Variants in ADGRL3 observed in about 807,000 individuals in gnomAD.
ADGRL3 encodes the protein calcium-independent alpha-latrotoxin receptor 3.
ADGRL3 carries 62 observed loss-of-function variants against 153.5 expected under a neutral mutation model. The observed-to-expected ratio is 0.40, with a 90% CI of 0.33 to 0.50. The LOEUF (loss-of-function observed/expected upper bound fraction) is 0.50, where lower values mean the gene tolerates loss of function less well. Ranked by LOEUF, ADGRL3 falls within the 20% of genes least tolerant of loss-of-function variation. ADGRL3 has a pLI of 0.47. For missense variants in ADGRL3, 1,641 were observed against 1,859.4 expected (o/e 0.88, Z 2.16); for synonymous variants, 710 against 672.5 (o/e 1.06, Z -0.86).
At chr4:61,246,550 T>G (rs2149385854) in intron 1 of ADGRL3, among the ~76,000 whole-genome samples, 1 of 152,178 alleles carries the variant, frequency 6.6e-6, no homozygotes, top group Middle Eastern at 3.4e-3. Flanking sequence ...AGGTTGAAAC[T>G]TAGCAATATT....
intron 21 of ADGRL3, among the ~76,000 whole-genome samples, chr4:62,025,308 G>A (rs1346133142): frequency 2.0e-5 from 3 of 152,062 alleles, no homozygotes; most frequent in East Asian, 1.9e-4. Flanking sequence ...CATATCCCAC[G>A]TAAAACATTC....
At chr4:62,068,892 C>G (rs988413778) in intron 26 of ADGRL3, among the ~76,000 whole-genome samples, 8 of 152,072 alleles carry the variant, frequency 5.3e-5, no homozygotes, top group Non-Finnish European at 2.9e-5. Flanking sequence ...GTAATTTAAA[C>G]TAGTAATGAA....
intron 8 of ADGRL3, among the ~76,000 whole-genome samples, chr4:61,747,484 C>A (rs189215260): frequency 6.8e-6 from 1 of 148,098 alleles, no homozygotes; most frequent in Non-Finnish European, 1.5e-5. Context: ...CCAAATCCAG[C>A]GGCACATCAA....
intron 4 of ADGRL3, among the ~76,000 whole-genome samples, chr4:61,573,666 G>T (rs1399039284): frequency 6.6e-6 from 1 of 151,830 alleles, no homozygotes; most frequent in East Asian, 1.9e-4. Flanking sequence ...ATCTTCTTTT[G>T]TGTGTCTTTG....
chr4:62,052,693 G>C (rs1343507288), intron 25 of ADGRL3, among the ~76,000 whole-genome samples: 1 of 150,876 alleles, frequency 6.6e-6, no homozygotes, highest in Non-Finnish European at 1.5e-5. Context: ...TTATATTTCA[G>C]TACGAGGATG....
intron 1 of ADGRL3, among the ~76,000 whole-genome samples, chr4:61,361,287 A>G (rs751826441): frequency 2.0e-5 from 3 of 152,190 alleles, no homozygotes; most frequent in Non-Finnish European, 4.4e-5. Context: ...AACAGTGTTA[A>G]TATGCATTAA....
chr4:62,038,577 G>T (rs901837550), intron 24 of ADGRL3, among the ~76,000 whole-genome samples: 2 of 151,854 alleles, frequency 1.3e-5, no homozygotes, highest in African/African-American at 4.8e-5. Flanking sequence ...TCATGAGTGC[G>T]TTTGGTTCAA....
At chr4:61,396,629 C>G (rs1360235431) in intron 2 of ADGRL3, among the ~76,000 whole-genome samples, 1 of 151,772 alleles carries the variant, frequency 6.6e-6, no homozygotes, top group Non-Finnish European at 1.5e-5. Context: ...GTAACCAACA[C>G]AATTTTGACT....
intron 16 of ADGRL3, among the ~76,000 whole-genome samples, chr4:61,947,424 A>G (rs1397208017): frequency 2.0e-5 from 3 of 152,178 alleles, no homozygotes; most frequent in Non-Finnish European, 4.4e-5. Flanking sequence ...CACAGATAAT[A>G]TTACAAAATT....
chr4:61,993,816 A>G (rs2099112348), intron 19 of ADGRL3, among the ~76,000 whole-genome samples: 1 of 152,128 alleles, frequency 6.6e-6, no homozygotes, highest in South Asian at 2.1e-4. Flanking sequence ...GACAATGTTC[A>G]TATTTCAACC....
chr4:61,356,528 ATTTCATTTTTGTAAGCATTT>A (rs929766859), intron 1 of ADGRL3, among the ~76,000 whole-genome samples: 3 of 152,016 alleles, frequency 2.0e-5, no homozygotes, highest in African/African-American at 4.8e-5. Flanking sequence ...TGTAGTTTTT[ATTTCATTTTTGTAAGCATTT>A]TTTCATTTTT....
At chr4:61,404,375 G>A (rs1578670961) in intron 2 of ADGRL3, among the ~76,000 whole-genome samples, 1 of 152,178 alleles carries the variant, frequency 6.6e-6, no homozygotes, top group South Asian at 2.1e-4. Context: ...TTGGGAGCAT[G>A]TTTTCCTGTT....
chr4:61,202,192 G>A lies in ADGRL3; in HGVS notation c.-240+427G>A. On this transcript the variant is annotated intron_variant, in intron 1 of 26. Transcript: ENST00000683033. The surrounding 1 kb of genome is among the most constrained non-coding windows in gnomAD (Gnocchi z 5.0). The stretch of plus-strand genomic sequence containing the variant: ...TCTCCGTCAGGCTGGAACTGGTGCC[G>A]CTGGAGGCGGGAGCGGGCTGGAGGA... The A allele has an allele frequency of 6.5e-6, 1 of 153,434 alleles. No individual in the cohort carries two copies. Among genetic ancestry groups the A allele is most frequent in the Non-Finnish European group, 1.5e-5 (1 of 68,962 alleles). 9.5% of individuals were successfully genotyped at this position (153,434 alleles called of 1,614,324 possible). A position where few individuals can be genotyped will look rare whatever the true frequency, so the allele number is the denominator to read the frequency against.
At chr4:61,640,558 C>T (rs1286627761) in intron 5 of ADGRL3, among the ~76,000 whole-genome samples, 2 of 152,104 alleles carry the variant, frequency 1.3e-5, no homozygotes, top group African/African-American at 4.8e-5. Flanking sequence ...TCCGTCTCTT[C>T]TCTGTGGAAT....
chr4:61,605,089 CAAAAAAAAAAAAA>C (rs71211396), intron 5 of ADGRL3, among the ~76,000 whole-genome samples: 1 of 61,420 alleles, frequency 1.6e-5, no homozygotes, highest in African/African-American at 6.3e-5. Flanking sequence ...GACTCTGTCT[CAAAAAAAAAAAAA>C]AAAAAAAAAA....
At chr4:61,447,090 G>T (rs2097592411) in intron 2 of ADGRL3, among the ~76,000 whole-genome samples, 1 of 152,106 alleles carries the variant, frequency 6.6e-6, no homozygotes, top group African/African-American at 2.4e-5. Context: ...CTGGATGCTG[G>T]ATGCCAGCCA....
At chr4:61,852,906 C>T (rs552388017) in intron 9 of ADGRL3, among the ~76,000 whole-genome samples, 3 of 152,088 alleles carry the variant, frequency 2.0e-5, no homozygotes, top group Non-Finnish European at 4.4e-5. Context: ...CGGTTAACTC[C>T]GCTCTTGCCA....
intron 1 of ADGRL3, among the ~76,000 whole-genome samples, chr4:61,315,254 C>T (rs2150614404): frequency 6.6e-6 from 1 of 152,300 alleles, no homozygotes; most frequent in South Asian, 2.1e-4. Context: ...GAATTTGCAG[C>T]TGCCCTGTCC....
Position 61,933,408 on chromosome 4 carries a change from A to G in ADGRL3, c.2113-1432A>G, listed in dbSNP as rs114851204. Among the ~76,000 whole-genome samples the G allele has an allele frequency of 6.5e-3, 989 of 152,204 alleles. 7 individuals carry two copies. The highest frequency in any genetic ancestry group is 0.023 in the African/African-American group (935 of 41,518). On this transcript the variant is annotated intron_variant, in intron 13 of 26. Transcript: ENST00000683033. ...GATCCAGAAGTACTTTTGTCTGGCT[A>G]CTAGGTCACGCTTTACACCAAGAAC...
Sources: gnomAD v4.1 joint callset for allele counts (sites outside exome capture counted in the v4.1 genomes callset) on GRCh38, gnomAD v4.1.1 for gene constraint, Gnocchi (gnomAD v3.1) non-coding constraint, MANE v1.5 for transcripts, NCBI Gene and HGNC (gene_info 2026-07-23, HGNC 2026-07-21) for gene names.